The following RYR2 variants were observed in gnomAD, a reference collection of about 807,000 sequenced individuals.
RYR2 encodes the protein cardiac muscle ryanodine receptor-calcium release channel.
A neutral mutation model predicts 601.1 loss-of-function variants in RYR2; 227 were observed. The ratio of observed to expected loss-of-function variants is 0.38; its 90% CI spans 0.34 to 0.42. The LOEUF (loss-of-function observed/expected upper bound fraction) is 0.42. Among genes scored for constraint, RYR2 ranks in the 10% least tolerant of loss-of-function variants. The pLI is 1.00. For synonymous variants in RYR2, 2,223 were observed against 2,175.1 expected (o/e 1.02, Z -0.61); for missense variants, 4,646 against 6,156.5 (o/e 0.75, Z 8.21).
intron 1 of RYR2, among the ~76,000 whole-genome samples, chr1:237,070,725 A>G (rs1349031307): frequency 1.3e-5 from 2 of 152,224 alleles, no homozygotes; most frequent in Non-Finnish European, 2.9e-5. Context: ...GTAGCCAGGC[A>G]TGCTGGCTGG....
intron 1 of RYR2, among the ~76,000 whole-genome samples, chr1:237,043,309 G>A (rs1660157102): frequency 6.6e-6 from 1 of 152,184 alleles, no homozygotes; most frequent in Non-Finnish European, 1.5e-5. Context: ...GTGCGCGCGC[G>A]CGGGTGGTGG....
chr1:237,479,225 AGTT>A (rs1190225915), intron 17 of RYR2, among the ~76,000 whole-genome samples: 2 of 152,204 alleles, frequency 1.3e-5, no homozygotes, highest in Non-Finnish European at 2.9e-5. Flanking sequence ...AAATGCATTA[AGTT>A]GTTGTATTTC....
chr1:237,416,928 A>T, intron 10 of RYR2, 121 bp from the exon 11 acceptor site: 1 of 786,294 alleles, frequency 1.3e-6, no homozygotes, highest in South Asian at 1.5e-5. Context: ...AAAAAGTATA[A>T]CTTTAACTGT....
At position 237,420,607 on chromosome 1, in the gene RYR2, C is replaced by T. The variant is rs550925337; in HGVS notation, c.849-2485C>T. 1.9e-3 allele frequency among the ~76,000 whole-genome samples: 283 copies of T among 152,268 alleles called. 1 individual carries two copies. Among genetic ancestry groups the T allele is most frequent in the Non-Finnish European group, 3.1e-3 (208 of 68,016 alleles). ...GGAAATGAAAGCAAATGTGCTTAGA[C>T]TTAGACTATGCAGTGGTTTTGCCAA... is the stretch of plus-strand genomic sequence containing the variant. On this transcript the variant is annotated intron_variant, in intron 11 of 104. Coordinates refer to ENST00000366574, the MANE Select transcript of RYR2 (RefSeq NM_001035.3).
intron 12 of RYR2, among the ~76,000 whole-genome samples, chr1:237,433,040 G>GC (rs1026964682): frequency 6.6e-6 from 1 of 151,218 alleles, no homozygotes; most frequent in African/African-American, 2.4e-5. Flanking sequence ...TGTGTGGGGG[G>GC]GGGTATCTTA....
intron 17 of RYR2, among the ~76,000 whole-genome samples, chr1:237,484,941 C>T (rs1381124693): frequency 6.6e-6 from 1 of 152,164 alleles, no homozygotes; most frequent in Non-Finnish European, 1.5e-5. Flanking sequence ...AAATAATTCA[C>T]AGTTACAACC....
At chr1:237,512,485 A>G (rs962725373) in intron 24 of RYR2, among the ~76,000 whole-genome samples, 7 of 152,208 alleles carry the variant, frequency 4.6e-5, no homozygotes, top group East Asian at 1.9e-4. Flanking sequence ...GGTATTTCCT[A>G]AACTGATTTC....
intron 98 of RYR2, among the ~76,000 whole-genome samples, chr1:237,804,337 G>GTTTTC (rs1660365673): frequency 9.3e-6 from 1 of 107,602 alleles, no homozygotes; most frequent in African/African-American, 3.2e-5. Context: ...TAAAAATGCT[G>GTTTTC]TTTTCTTTTC....
intron 100 of RYR2, among the ~76,000 whole-genome samples, chr1:237,818,662 TC>T (rs1210571530): frequency 1.3e-5 from 2 of 151,952 alleles, no homozygotes; most frequent in Non-Finnish European, 2.9e-5. Context: ...GTCTGTTATG[TC>T]CAAAATAACC....
chr1:237,147,666 G>A (rs1304535474), intron 1 of RYR2, among the ~76,000 whole-genome samples: 1 of 152,150 alleles, frequency 6.6e-6, no homozygotes, highest in Non-Finnish European at 1.5e-5. Context: ...TCAGCTCCTG[G>A]ATTAGAAGAG....
chr1:237,376,316 T>A (rs1304270605), intron 7 of RYR2, among the ~76,000 whole-genome samples: 1 of 152,174 alleles, frequency 6.6e-6, no homozygotes, highest in East Asian at 1.9e-4. Context: ...AAATATTGCT[T>A]GGTAATTCAC....
intron 17 of RYR2, among the ~76,000 whole-genome samples, chr1:237,483,452 A>C (rs544143187): frequency 6.6e-6 from 1 of 152,344 alleles, no homozygotes; most frequent in Non-Finnish European, 1.5e-5. Flanking sequence ...ACTGGAGCAC[A>C]GAGATGTTAA....
At chr1:237,802,465 A>G (rs951923375) in intron 98 of RYR2, 4 of 152,180 alleles carry the variant, frequency 2.6e-5, no homozygotes, top group African/African-American at 9.7e-5. Flanking sequence ...AGTTCACGTT[A>G]GTTCCATTCT....
chr1:237,367,371 C>A (rs10925386), intron 5 of RYR2, among the ~76,000 whole-genome samples: 53,801 of 151,672 alleles, frequency 0.35, 9,864 homozygotes, highest in East Asian at 0.42. Context: ...GGATTACAAG[C>A]GTGAGCCACT....
At position 237,045,868 on chromosome 1, in the gene RYR2, G is replaced by GTTT. The variant is rs1558136067; in HGVS notation, c.48+3299_48+3300insTTT. Among the ~76,000 whole-genome samples the GTTT allele has an allele frequency of 4.7e-4, 49 of 103,584 alleles. 3 individuals are homozygous for GTTT. The highest frequency in any genetic ancestry group is 2.0e-3 in the African/African-American group (46 of 22,782). 68.0% of individuals were successfully genotyped at this position (103,584 alleles called of 152,430 possible). On this transcript the variant is annotated intron_variant, in intron 1 of 104. Coordinates refer to ENST00000366574, the MANE Select transcript of RYR2 (RefSeq NM_001035.3). The stretch of plus-strand genomic sequence containing the variant: ...CATGGTATAAAATGACCTTGGTCAA[G>GTTT]GTTTTTTTTTTTTTTTTTTTTTTTT...
Position 237,456,628 on chromosome 1 carries a change from T to C in RYR2, c.1505T>C (p.Ile502Thr), listed in dbSNP as rs1205611988. 5 of 1,606,178 alleles carry C rather than the reference T, an allele frequency of 3.1e-6. No individual in the cohort carries two copies. The highest frequency in any genetic ancestry group is 2.2e-5 in the South Asian group (2 of 90,032). ...ATGATCAACCTCGTGCTTGAGTGCA[T>C]AGACCGTTTGCACGTCTACAGCAGT... Reference protein sequence around the residue: ...EGMINLVLECIDRLHVYSSAA... With the variant: ...EGMINLVLECTDRLHVYSSAA... The change falls in exon 16 of 105, where the codon ATA becomes ACA. Residue 502 changes from isoleucine to threonine, a missense_variant. Around this residue, in one of 17 missense-constraint regions of RYR2, gnomAD observed 1,807 missense variants for 2,088.1 expected, o/e 0.87. Transcript: ENST00000366574.
intron 37 of RYR2, among the ~76,000 whole-genome samples, chr1:237,616,725 T>G (rs1193266447): frequency 6.6e-6 from 1 of 152,198 alleles, no homozygotes; most frequent in East Asian, 1.9e-4. Context: ...TATTAGTTCG[T>G]TCTCACACTG....
At chr1:237,172,728 G>A (rs972314743) in intron 1 of RYR2, among the ~76,000 whole-genome samples, 3 of 152,184 alleles carry the variant, frequency 2.0e-5, no homozygotes, top group Non-Finnish European at 2.9e-5. Context: ...TAGCATGTTG[G>A]AGACATAGGA....
At chr1:237,186,034 G>C (rs959777505) in intron 1 of RYR2, among the ~76,000 whole-genome samples, 4 of 152,188 alleles carry the variant, frequency 2.6e-5, no homozygotes, top group African/African-American at 7.2e-5. Context: ...TCAGGAGTCT[G>C]AGGGTTGTCC....
Sources: allele counts gnomAD v4.1 joint callset (sites outside exome capture counted in the v4.1 genomes callset), GRCh38; gene constraint gnomAD v4.1.1; regional missense constraint gnomAD v4.1.1; transcripts MANE v1.5; gene names NCBI Gene and HGNC (gene_info 2026-07-23, HGNC 2026-07-21).